The following ZNF658 variants were observed in gnomAD, a reference collection of about 807,000 sequenced individuals.
ZNF658 encodes zinc finger protein 658.
A neutral mutation model predicts 78.0 loss-of-function variants in ZNF658; 46 were observed. The observed-to-expected ratio is 0.59, with a 90% CI of 0.47 to 0.75. The LOEUF (loss-of-function observed/expected upper bound fraction) is 0.75. ZNF658 is among the 30% of genes least tolerant of loss of function. The pLI, the probability that ZNF658 is intolerant of heterozygous loss-of-function variation, is 0.00. For missense variants in ZNF658, 785 were observed against 1,189.3 expected, an observed-to-expected ratio of 0.66 and a Z score of 5.00; for synonymous variants, 279 against 408.4, an observed-to-expected ratio of 0.68 and a Z score of 3.82.
chr9:66,908,763 C>A (rs763683024), intron 4 of ZNF658, 29 bp downstream of exon 4: 10 of 1,604,560 alleles, frequency 6.2e-6, no homozygotes, highest in African/African-American at 2.7e-5. Context: ...AAGGAGCCCC[C>A]TGGGGGTACT....
chr9:66,904,035 T>C (rs1207273157), intron 2 of ZNF658, among the ~76,000 whole-genome samples: 1 of 151,956 alleles, frequency 6.6e-6, no homozygotes, highest in East Asian at 1.9e-4. Flanking sequence ...TTTCAAGTAC[T>C]CCAGTGCAAG....
intron 1 of ZNF658, among the ~76,000 whole-genome samples, chr9:66,901,282 A>T (rs1354672217): frequency 6.6e-6 from 1 of 152,120 alleles, no homozygotes; most frequent in African/African-American, 2.4e-5. Context: ...AAAATGGACG[A>T]AAGTTCATGG....
At chr9:66,922,836 G>T (rs1822548688), downstream of ZNF658, among the ~76,000 whole-genome samples, 1 of 141,464 alleles carries the variant, frequency 7.1e-6, no homozygotes. Context: ...GCCTTAGGAG[G>T]TCCTGAGAAC....
At chr9:66,914,136 G>A (rs911758314) in intron 4 of ZNF658, among the ~76,000 whole-genome samples, 43 of 151,600 alleles carry the variant, frequency 2.8e-4, no homozygotes, top group African/African-American at 9.5e-4. Flanking sequence ...TCTTAACAAC[G>A]TACAGTCTTC....
rs1471616335 is a variant in ZNF658, at chr9:66,918,752, A to C, written c.1186A>C (p.Lys396Gln). Residue 396 changes from lysine to glutamine, a missense_variant, in exon 5 of 5, where the codon AAA becomes CAA. Around this residue, in one of 12 missense-constraint regions of ZNF658, gnomAD observed 393 missense variants for 400.2 expected, o/e 0.98. Transcript: ENST00000621410. ...GAAATGCAGAAAATCCTTTTACCGG[A>C]AAGCACACCTCATTCAGCATCAGAG... Reference protein sequence around the residue: ...HGKCRKSFYRKAHLIQHQRPH... With the variant: ...HGKCRKSFYRQAHLIQHQRPH... 6.2e-7 allele frequency: 1 copy of C among 1,613,986 alleles called. No individual in the cohort carries two copies. The highest frequency in any genetic ancestry group is 8.5e-7 in the Non-Finnish European group (1 of 1,179,870).
exon 7 of ZNF658, chr9:66,932,029 C>CA (rs1822650421): frequency 8.1e-6 from 1 of 124,056 alleles, no homozygotes; most frequent in African/African-American, 3.0e-5. Context: ...CCTCAGGGCT[C>CA]AATGAAGAGG....
At chr9:66,929,911 G>C (rs1479202015) in intron 6 of ZNF658, among the ~76,000 whole-genome samples, 1 of 137,776 alleles carries the variant, frequency 7.3e-6, no homozygotes, top group Non-Finnish European at 1.5e-5. Context: ...AGCCTCCTGA[G>C]TAGCTGGGAC....
chr9:66,921,547 A>T (rs1166145665), downstream of ZNF658: 2 of 151,932 alleles, frequency 1.3e-5, no homozygotes, highest in Non-Finnish European at 2.9e-5. Context: ...ATTTTATAGA[A>T]CATATATAAG....
At chr9:66,905,558 A>T (rs551893290) in intron 2 of ZNF658, among the ~76,000 whole-genome samples, 1 of 149,924 alleles carries the variant, frequency 6.7e-6, no homozygotes, top group East Asian at 1.9e-4. Flanking sequence ...ATGCTGTCCA[A>T]CTGTTCATTT....
rs1474289895 is a variant in ZNF658 at position 66,931,036 on chromosome 9, G to A, written c.*55-989G>A. Among the ~76,000 whole-genome samples the A allele has an allele frequency of 9.2e-5, 14 of 152,176 alleles. No homozygotes were observed. In the South Asian group the frequency reaches 1.5e-3, roughly 16 times the overall value. ...AGATCCTGGGGATAGTTAAGCACAT[G>A]AGAAATGATTATTGGGGTTCTCTGA... On this transcript the variant is annotated intron_variant and NMD_transcript_variant, in intron 6 of 6. Coordinates refer to the ZNF658 transcript ENST00000622180.
At chr9:66,921,569 C>A, downstream of ZNF658, 1 of 151,576 alleles carries the variant, frequency 6.6e-6, no homozygotes, top group South Asian at 2.1e-4. Context: ...AAATATTTAC[C>A]TATAGAAAAA....
At chr9:66,905,106 C>T (rs111551811) in intron 2 of ZNF658, among the ~76,000 whole-genome samples, 31 of 89,652 alleles carry the variant, frequency 3.5e-4, no homozygotes, top group African/African-American at 1.0e-3. Context: ...GACAGTCTCT[C>T]GCTCTGTCAC....
chr9:66,913,442 A>G (rs1277592124), intron 4 of ZNF658, among the ~76,000 whole-genome samples: 32 of 151,694 alleles, frequency 2.1e-4, no homozygotes, highest in African/African-American at 6.8e-4. Context: ...AAAAAAAAAA[A>G]AAAGTAGAAG....
chr9:66,909,932 C>T (rs566176296), intron 4 of ZNF658, among the ~76,000 whole-genome samples: 353 of 152,256 alleles, frequency 2.3e-3, no homozygotes, highest in African/African-American at 8.2e-3. Flanking sequence ...TCTGGTGAAG[C>T]GTCTCTTCCT....
chr9:66,909,899 A>G (rs977666867), intron 4 of ZNF658, among the ~76,000 whole-genome samples: 7 of 152,216 alleles, frequency 4.6e-5, no homozygotes, highest in African/African-American at 1.7e-4. Flanking sequence ...GGAGTCTAAA[A>G]TGAAAGTACT....
At chr9:66,921,898 G>A (rs11261525), downstream of ZNF658, among the ~76,000 whole-genome samples, 60,690 of 145,882 alleles carry the variant, frequency 0.42, 13,723 homozygotes, top group Middle Eastern at 0.66. Context: ...GGACATTTAA[G>A]TCTGCAGAAG....
Position 66,919,748 on chromosome 9 carries a change from G to T in ZNF658, c.2182G>T (p.Ala728Ser). Residue 728 changes from alanine to serine, a missense_variant, in exon 5 of 5, where the codon GCC becomes TCC. By Grantham distance (99) the Ala-to-Ser change is moderately conservative (BLOSUM62 1). Around this residue, in one of 12 missense-constraint regions of ZNF658, gnomAD observed 75 missense variants for 147.1 expected, o/e 0.51. Coordinates refer to ENST00000621410, the MANE Select transcript of ZNF658 (RefSeq NM_033160.7). ...TGAGAAAACATTTGCCCATAATTCAGCCCTTAGAGCACATCAGAATATCCA... is the reference window on the plus strand; with the variant it reads ...TGAGAAAACATTTGCCCATAATTCATCCCTTAGAGCACATCAGAATATCCA... Reference protein sequence around the residue: ...ECEKTFAHNSALRAHQNIHTG... With the variant: ...ECEKTFAHNSSLRAHQNIHTG... 6.2e-7 allele frequency: 1 copy of T among 1,611,476 alleles called. No homozygotes were observed. Among genetic ancestry groups the T allele is most frequent in the Non-Finnish European group, 8.5e-7 (1 of 1,179,602 alleles).
At chr9:66,929,619 C>A (rs942923865) in intron 6 of ZNF658, among the ~76,000 whole-genome samples, 22 of 150,802 alleles carry the variant, frequency 1.5e-4, no homozygotes, top group African/African-American at 5.4e-4. Context: ...AGGTCTTAAG[C>A]TAGGAAACTA....
chr9:66,906,856 C>T (rs1193997980), intron 2 of ZNF658, among the ~76,000 whole-genome samples: 2 of 151,666 alleles, frequency 1.3e-5, no homozygotes, highest in Non-Finnish European at 2.9e-5. Flanking sequence ...TTGCTGTAAG[C>T]CTTTGGTAGC....
Sources: allele counts gnomAD v4.1 joint callset (sites outside exome capture counted in the v4.1 genomes callset), GRCh38; gene constraint gnomAD v4.1.1; regional missense constraint gnomAD v4.1.1; transcripts MANE v1.5; gene names NCBI Gene and HGNC (gene_info 2026-07-23, HGNC 2026-07-21).